The following MAGI2 variants were observed in gnomAD, a reference collection of about 807,000 sequenced individuals.
MAGI2 encodes the protein membrane-associated guanylate kinase, WW and PDZ domain-containing protein 2.
In MAGI2, 35 loss-of-function variants were observed where a neutral mutation model predicts 133.3. The ratio of observed to expected loss-of-function variants is 0.26; its 90% CI spans 0.20 to 0.35. The LOEUF is 0.35. Ranked by LOEUF, MAGI2 falls within the 10% of genes least tolerant of loss-of-function variation. The pLI, the probability that MAGI2 is intolerant of heterozygous loss-of-function variation, is 1.00. For synonymous variants in MAGI2, 729 were observed against 710.6 expected (o/e 1.03, Z -0.41); for missense variants, 1,636 against 1,863.4 (o/e 0.88, Z 2.25).
intron 21 of MAGI2, among the ~76,000 whole-genome samples, chr7:78,056,494 G>A (rs1049459780): frequency 6.6e-5 from 10 of 152,242 alleles, no homozygotes; most frequent in African/African-American, 2.4e-4. Context: ...AGCCATAAAA[G>A]GAACAAGATC....
chr7:79,310,850 C>T (rs917939491), intron 1 of MAGI2, among the ~76,000 whole-genome samples: 1 of 152,050 alleles, frequency 6.6e-6, no homozygotes, highest in African/African-American at 2.4e-5. Context: ...GAAATTCTTG[C>T]CTTTCTACAG....
chr7:78,764,134 G>T (rs559755801), intron 2 of MAGI2, among the ~76,000 whole-genome samples: 1 of 152,274 alleles, frequency 6.6e-6, no homozygotes, highest in South Asian at 2.1e-4. Flanking sequence ...AAAGTGTTAG[G>T]CTGACTGTAA....
At chr7:79,261,398 T>C (rs891420839) in intron 1 of MAGI2, among the ~76,000 whole-genome samples, 3 of 152,216 alleles carry the variant, frequency 2.0e-5, no homozygotes, top group African/African-American at 7.2e-5. Flanking sequence ...TTACAAAGGA[T>C]ACCAAAATAT....
chr7:78,537,170 TACACACACACACACAC>T (rs3086437), intron 3 of MAGI2, among the ~76,000 whole-genome samples: 4 of 146,202 alleles, frequency 2.7e-5, no homozygotes, highest in South Asian at 2.2e-4. Context: ...AGTATTCCAC[TACACACACACACACAC>T]ACACACACAC....
At position 78,669,292 on chromosome 7, in the gene MAGI2, C is replaced by G. The variant is rs533403478; in HGVS notation, c.419-42053G>C. On this transcript the variant is annotated intron_variant, in intron 2 of 21. Coordinates refer to ENST00000354212, the MANE Select transcript of MAGI2 (RefSeq NM_012301.4). ...CTACCATCAGAGAATACTACAAACA[C>G]CTCTATGCAAATAAACTAGAAAATC... 2.8e-4 allele frequency among the ~76,000 whole-genome samples: 43 copies of G among 152,130 alleles called. 1 individual carries two copies. Among genetic ancestry groups the G allele is most frequent in the Non-Finnish European group, 6.2e-4 (42 of 67,974 alleles).
intron 2 of MAGI2, among the ~76,000 whole-genome samples, chr7:78,716,092 G>A (rs1261962778): frequency 6.6e-6 from 1 of 152,210 alleles, no homozygotes; most frequent in Non-Finnish European, 1.5e-5. Flanking sequence ...TTGTTCCTGT[G>A]TTTCTAAATG....
At chr7:78,312,621 C>T (rs1798804720) in intron 9 of MAGI2, among the ~76,000 whole-genome samples, 1 of 152,064 alleles carries the variant, frequency 6.6e-6, no homozygotes, top group Non-Finnish European at 1.5e-5. Context: ...CTCTCAATGT[C>T]ACTAATAATC....
chr7:78,803,636 T>C (rs1017038370), intron 2 of MAGI2, among the ~76,000 whole-genome samples: 2 of 152,088 alleles, frequency 1.3e-5, no homozygotes, highest in Non-Finnish European at 2.9e-5. Flanking sequence ...ATGTCACTAA[T>C]GAAACATCAG....
chr7:78,279,120 C>T (rs115263389), intron 9 of MAGI2, among the ~76,000 whole-genome samples: 2,948 of 152,152 alleles, frequency 0.019, 100 homozygotes, highest in African/African-American at 0.067. Flanking sequence ...GTTTTTAGTC[C>T]TTTACTTACT....
intron 2 of MAGI2, among the ~76,000 whole-genome samples, chr7:78,799,198 C>T (rs563134222): frequency 9.2e-5 from 14 of 152,194 alleles, no homozygotes; most frequent in African/African-American, 1.2e-4. Flanking sequence ...AAATAGGCAG[C>T]GGACAACTAT....
At chr7:79,127,733 C>A (rs907381598) in intron 1 of MAGI2, among the ~76,000 whole-genome samples, 2 of 152,148 alleles carry the variant, frequency 1.3e-5, no homozygotes, top group African/African-American at 4.8e-5. Flanking sequence ...CAAAAATTTT[C>A]TCCCATTCTG....
intron 2 of MAGI2, among the ~76,000 whole-genome samples, chr7:78,868,366 C>A (rs2151515738): frequency 6.6e-6 from 1 of 152,272 alleles, no homozygotes; most frequent in East Asian, 1.9e-4. Flanking sequence ...ACAGAGAGGG[C>A]AAGTAATATC....
At chr7:78,029,208 G>A (rs1476422332) in intron 21 of MAGI2, among the ~76,000 whole-genome samples, 3 of 152,150 alleles carry the variant, frequency 2.0e-5, no homozygotes, top group Non-Finnish European at 4.4e-5. Context: ...TATAACTCAC[G>A]AGAGGTGTGA....
At chr7:78,487,916 G>A (rs1793212244) in intron 6 of MAGI2, among the ~76,000 whole-genome samples, 1 of 151,978 alleles carries the variant, frequency 6.6e-6, no homozygotes, top group Non-Finnish European at 1.5e-5. Context: ...ATCCAGTGTT[G>A]TAAATAAGTA....
intron 1 of MAGI2, among the ~76,000 whole-genome samples, chr7:79,154,500 A>C (rs1823575077): frequency 6.6e-6 from 1 of 152,192 alleles, no homozygotes. Context: ...ATTACTAACA[A>C]ATGCCAAGCC....
chr7:78,077,566 G>A (rs1348651926), intron 21 of MAGI2, among the ~76,000 whole-genome samples: 2 of 98,798 alleles, frequency 2.0e-5, no homozygotes, highest in African/African-American at 8.5e-5. Context: ...CGCTTTGAGG[G>A]GTGCACAAGA....
intron 2 of MAGI2, among the ~76,000 whole-genome samples, chr7:78,803,684 A>T (rs1182393021): frequency 6.6e-6 from 1 of 152,220 alleles, no homozygotes; most frequent in Non-Finnish European, 1.5e-5. Context: ...CGTGTGTTGA[A>T]TAATATTTAT....
At chr7:79,360,039 A>G (rs1291104535) in intron 1 of MAGI2, among the ~76,000 whole-genome samples, 2 of 152,168 alleles carry the variant, frequency 1.3e-5, no homozygotes, top group Non-Finnish European at 1.5e-5. Flanking sequence ...AGAATTATCC[A>G]TTTCAAAAAA....
intron 10 of MAGI2, among the ~76,000 whole-genome samples, chr7:78,232,274 C>T (rs912851631): frequency 7.2e-5 from 11 of 152,062 alleles, no homozygotes; most frequent in African/African-American, 4.8e-5. Flanking sequence ...TAGGATGATC[C>T]TTAGTTTATG....
Sources: gnomAD v4.1 joint callset for allele counts (sites outside exome capture counted in the v4.1 genomes callset) on GRCh38, gnomAD v4.1.1 for gene constraint, MANE v1.5 for transcripts, NCBI Gene and HGNC (gene_info 2026-07-23, HGNC 2026-07-21) for gene names.